The following ANO2 variants were observed in gnomAD, a reference collection of about 807,000 sequenced individuals.
ANO2 encodes anoctamin-2.
In ANO2, 101 loss-of-function variants were observed where a neutral mutation model predicts 124.2. The observed-to-expected ratio is 0.81, with a 90% CI of 0.69 to 0.96. ANO2 has a LOEUF of 0.96. Ranked by LOEUF, ANO2 falls within the 40% of genes least tolerant of loss-of-function variation. ANO2 has a pLI of 0.00. For missense variants in ANO2, 1,293 were observed against 1,274.5 expected, an observed-to-expected ratio of 1.01 and a Z score of -0.22; for synonymous variants, 486 against 482.5, an observed-to-expected ratio of 1.01 and a Z score of -0.09.
At chr12:5,578,032 T>C in intron 21 of ANO2, 25 bp from the exon 22 acceptor site, 1 of 1,612,188 alleles carries the variant, frequency 6.2e-7, no homozygotes, top group Non-Finnish European at 8.5e-7. Context: ...AGACAGCGTC[T>C]GGCTCACTCC....
At chr12:5,704,954 C>T (rs1440430145) in intron 14 of ANO2, among the ~76,000 whole-genome samples, 1 of 152,166 alleles carries the variant, frequency 6.6e-6, no homozygotes, top group African/African-American at 2.4e-5. Flanking sequence ...TATCAATTGT[C>T]TGTCACTTCT....
chr12:5,750,718 G>C, intron 11 of ANO2, 118 bp downstream of exon 11: 1 of 1,074,154 alleles, frequency 9.3e-7, no homozygotes, highest in Non-Finnish European at 1.3e-6. Flanking sequence ...TCATAGCGAA[G>C]GAGAATGATA....
chr12:5,906,347 T>TAAAA (rs751453765), intron 3 of ANO2, among the ~76,000 whole-genome samples: 7 of 132,724 alleles, frequency 5.3e-5, no homozygotes, highest in Non-Finnish European at 1.2e-4. Flanking sequence ...CACACATTGT[T>TAAAA]AAAAAAAAAA....
intron 10 of ANO2, among the ~76,000 whole-genome samples, chr12:5,782,837 A>C (rs548808567): frequency 6.6e-6 from 1 of 152,208 alleles, no homozygotes; most frequent in Non-Finnish European, 1.5e-5. Flanking sequence ...GCTCCAATGG[A>C]AAATATCCAC....
intron 9 of ANO2, among the ~76,000 whole-genome samples, chr12:5,805,797 G>A (rs138639798): frequency 6.6e-6 from 1 of 152,304 alleles, no homozygotes; most frequent in African/African-American, 2.4e-5. Flanking sequence ...ATGGGAGGGT[G>A]GGGTGAGGGC....
chr12:5,722,483 G>A lies in ANO2; in HGVS notation c.1545+10037C>T, dbSNP rs369558921. The stretch of plus-strand genomic sequence containing the variant: ...GATCGCGCCACTGCACTCCAGCCTG[G>A]GCGACAGAACGAGACTCTCTCAAAA... On this transcript the variant is annotated intron_variant, in intron 14 of 24. Coordinates refer to ENST00000682330, the MANE Select transcript of ANO2 (RefSeq NM_001364791.2). Among the ~76,000 whole-genome samples the A allele has an allele frequency of 1.1e-4, 17 of 152,198 alleles. 1 individual carries two copies. The South Asian group carries it at 1.7e-3, about 15-fold the overall frequency.
chr12:5,690,370 C>T (rs768738170), intron 14 of ANO2, among the ~76,000 whole-genome samples: 18 of 152,102 alleles, frequency 1.2e-4, no homozygotes, highest in Non-Finnish European at 2.1e-4. Flanking sequence ...GATTGGGTGC[C>T]CTGACACTGG....
intron 3 of ANO2, among the ~76,000 whole-genome samples, chr12:5,915,376 ATGCCAAATGGAAGGTATG>A (rs1337458594): frequency 2.2e-4 from 33 of 152,354 alleles, no homozygotes; most frequent in African/African-American, 7.9e-4. Context: ...AAAAAGTGAA[ATGCCAAATGGAAGGTATG>A]TGCCAATTAT....
At chr12:5,808,112 C>T (rs576626559) in intron 7 of ANO2, among the ~76,000 whole-genome samples, 6 of 152,276 alleles carry the variant, frequency 3.9e-5, no homozygotes, top group East Asian at 1.9e-4. Context: ...AAACATTGGT[C>T]GACATAGTCA....
intron 21 of ANO2, 37 bp from the exon 22 acceptor site, chr12:5,578,044 G>T: frequency 6.2e-7 from 1 of 1,602,204 alleles, no homozygotes; most frequent in Non-Finnish European, 8.5e-7. Flanking sequence ...GCTCACTCCC[G>T]CCCTCGGCCC....
chr12:5,712,451 T>C (rs902337758), intron 14 of ANO2, among the ~76,000 whole-genome samples: 2 of 152,198 alleles, frequency 1.3e-5, no homozygotes, highest in East Asian at 1.9e-4. Context: ...GAAGCAGCGA[T>C]TGGAGTGGTT....
At chr12:5,923,248 A>ACACACACACACACG (rs1565784459) in intron 1 of ANO2, among the ~76,000 whole-genome samples, 1 of 74,468 alleles carries the variant, frequency 1.3e-5, no homozygotes, top group African/African-American at 5.9e-5. Context: ...ACACACGCAT[A>ACACACACACACACG]CACACACATA....
intron 6 of ANO2, 116 bp from the exon 7 acceptor site, chr12:5,827,936 G>C: frequency 8.9e-7 from 1 of 1,124,672 alleles, no homozygotes; most frequent in South Asian, 1.5e-5. Flanking sequence ...TTTGGAGCCA[G>C]GACGAAGCCA....
chr12:5,620,833 T>C (rs1445445061), intron 16 of ANO2, among the ~76,000 whole-genome samples: 1 of 152,134 alleles, frequency 6.6e-6, no homozygotes, highest in African/African-American at 2.4e-5. Flanking sequence ...GCTCACCATT[T>C]ACAGCTAGCG....
intron 10 of ANO2, among the ~76,000 whole-genome samples, chr12:5,788,622 G>A (rs576006498): frequency 5.3e-5 from 8 of 152,266 alleles, no homozygotes; most frequent in African/African-American, 7.2e-5. Flanking sequence ...GCAGTGGTGC[G>A]ATCTCGGCTC....
chr12:5,583,700 A>G (rs2136853789), intron 20 of ANO2: 1 of 154,238 alleles, frequency 6.5e-6, no homozygotes, highest in African/African-American at 2.4e-5. Flanking sequence ...ATTGTTTAAT[A>G]AAAGCAACAC....
chr12:5,798,058 A>G (rs1479839355), intron 10 of ANO2, among the ~76,000 whole-genome samples: 1 of 152,048 alleles, frequency 6.6e-6, no homozygotes, highest in African/African-American at 2.4e-5. Flanking sequence ...TTATTTTTTA[A>G]TCGTACTTAA....
At chr12:5,610,536 C>A in intron 19 of ANO2, among the ~76,000 whole-genome samples, 1 of 135,586 alleles carries the variant, frequency 7.4e-6, no homozygotes, top group African/African-American at 2.7e-5. Context: ...ATGTATAAAA[C>A]ATATTTTATG....
At chr12:5,748,762 C>T (rs1298688348) in intron 11 of ANO2, among the ~76,000 whole-genome samples, 1 of 151,600 alleles carries the variant, frequency 6.6e-6, no homozygotes. Context: ...GAAAACACAG[C>T]CCTAATAACC....
Sources: gnomAD v4.1 joint callset for allele counts (sites outside exome capture counted in the v4.1 genomes callset) on GRCh38, gnomAD v4.1.1 for gene constraint, MANE v1.5 for transcripts, NCBI Gene and HGNC (gene_info 2026-07-23, HGNC 2026-07-21) for gene names.